The following WDR62 variants were observed in gnomAD, a reference collection of about 807,000 sequenced individuals.
WDR62 encodes WD repeat-containing protein 62.
In WDR62, 112 loss-of-function variants were observed where a neutral mutation model predicts 160.6. The ratio of observed to expected loss-of-function variants is 0.70; its 90% confidence interval spans 0.60 to 0.82. WDR62 has a LOEUF of 0.82. Ranked by LOEUF, WDR62 falls within the 40% of genes least tolerant of loss-of-function variation. The pLI is 0.00. For synonymous variants in WDR62, 792 were observed against 815.1 expected (o/e 0.97, Z 0.48); for missense variants, 1,819 against 1,983.8 (o/e 0.92, Z 1.58).
At chr19:36,108,020 G>A (rs914891160), downstream of WDR62, among the ~76,000 whole-genome samples, 3 of 152,036 alleles carry the variant, frequency 2.0e-5, no homozygotes, top group African/African-American at 4.8e-5. Context: ...CAGAACCCCA[G>A]GACTGGCACC....
At chr19:36,072,990 G>A (rs937227862) in intron 8 of WDR62, among the ~76,000 whole-genome samples, 10 of 152,190 alleles carry the variant, frequency 6.6e-5, no homozygotes, top group Non-Finnish European at 1.3e-4. Context: ...TTGATCATGC[G>A]TTGGTGAGGC....
chr19:36,108,864 A>AC (rs71167594), downstream of WDR62, among the ~76,000 whole-genome samples: 85,359 of 146,684 alleles, frequency 0.58, 25,189 homozygotes, highest in Admixed American at 0.62. Context: ...AAAAAAAAAA[A>AC]AAAAAAAAAA....
intron 16 of WDR62, 121 bp downstream of exon 16, chr19:36,090,641 C>A: frequency 1.1e-6 from 1 of 907,696 alleles, no homozygotes; most frequent in Non-Finnish European, 1.8e-6. Flanking sequence ...AGCACCTTCT[C>A]AGGCCTGGTT....
intron 30 of WDR62, among the ~76,000 whole-genome samples, 186 bp from the exon 31 acceptor site, chr19:36,104,332 A>G (rs988409411): frequency 1.3e-5 from 2 of 151,836 alleles, no homozygotes; most frequent in Non-Finnish European, 2.9e-5. Context: ...AAACCAGAAG[A>G]TAAGAAGAGG....
chr19:36,069,373 C>T (rs939993441), intron 7 of WDR62, among the ~76,000 whole-genome samples: 11 of 151,880 alleles, frequency 7.2e-5, no homozygotes, highest in Admixed American at 2.0e-4. Flanking sequence ...CGGGTAGAGG[C>T]GCTCCTCACA....
chr19:36,099,221 CAAAAA>C (rs71167592), intron 21 of WDR62, among the ~76,000 whole-genome samples, 173 bp from the exon 22 acceptor site: 3 of 76,318 alleles, frequency 3.9e-5, no homozygotes, highest in African/African-American at 1.0e-4. Context: ...GACTTCGTCT[CAAAAA>C]AAAAAAAAAA....
At chr19:36,067,179 C>A in intron 5 of WDR62, 127 bp from the exon 6 acceptor site, 1 of 1,275,864 alleles carries the variant, frequency 7.8e-7, no homozygotes, top group Non-Finnish European at 1.1e-6. Flanking sequence ...TACAGCAGCT[C>A]CCTGGAGGGT....
At chr19:36,110,965 G>A in the WDR62 span, among the ~76,000 whole-genome samples, 2 of 152,024 alleles carry the variant, frequency 1.3e-5, no homozygotes, top group African/African-American at 4.8e-5. Flanking sequence ...CCTAGTGCTT[G>A]TCCACCCCTG....
Position 36,104,874 on chromosome 19 carries a change from G to C in WDR62, c.4418G>C (p.Gly1473Ala). Residue 1473 changes from glycine (G) to alanine (A), a missense_variant, in exon 32 of 32, where the codon GGG becomes GCG. Gly to Ala is a moderately conservative substitution (Grantham distance 60). This residue lies in a region of WDR62 where 770 missense variants were observed against 734.2 expected (regional missense o/e 1.05). Coordinates refer to ENST00000401500, the MANE Select transcript of WDR62 (RefSeq NM_001083961.2). ...CAGCTGGAGGCTGAATGCCTGGTGGGGACTAGTGTGGCCCCAGCCCAGGCT... is the reference window on the plus strand; with the variant it reads ...CAGCTGGAGGCTGAATGCCTGGTGGCGACTAGTGTGGCCCCAGCCCAGGCT... The part of the protein sequence containing the change: ...HSQLEAECLV[G>A]TSVAPAQALP... 1 of 1,612,538 alleles carries C rather than the reference G, an allele frequency of 6.2e-7. No individual in the cohort carries two copies. Among genetic ancestry groups the C allele is most frequent in the Admixed American group, 1.7e-5 (1 of 59,982 alleles).
rs751422007 is a variant in WDR62, at chr19:36,065,922, G to A, written c.333-36G>A. On this transcript the variant is annotated intron_variant, in intron 3 of 31. Coordinates refer to ENST00000401500, the MANE Select transcript of WDR62 (RefSeq NM_001083961.2). ...GATGGGGTCTGGCTGGCCACCCTCAGCGGAACCAGTGATCAGCTCTTTTCT... is the reference window on the plus strand; with the variant it reads ...GATGGGGTCTGGCTGGCCACCCTCAACGGAACCAGTGATCAGCTCTTTTCT... 1.9e-6 allele frequency: 3 copies of A among 1,611,966 alleles called. No individual in the cohort carries two copies. The South Asian group carries it at 3.3e-5, about 18-fold the overall frequency.
chr19:36,109,951 A>T (rs1973779248), downstream of WDR62, among the ~76,000 whole-genome samples: 1 of 150,516 alleles, frequency 6.6e-6, no homozygotes, highest in South Asian at 2.1e-4. Flanking sequence ...GCTACTTGGA[A>T]GGCTGAGGCA....
intron 9 of WDR62, among the ~76,000 whole-genome samples, chr19:36,078,136 A>T (rs1971683629): frequency 6.6e-6 from 1 of 151,510 alleles, no homozygotes; most frequent in African/African-American, 2.4e-5. Context: ...ATGAACATGT[A>T]AGTACAAGTT....
chr19:36,102,479 C>G, intron 26 of WDR62: 1 of 588,180 alleles, frequency 1.7e-6, no homozygotes. Flanking sequence ...CCAGACTGGT[C>G]TCAAACTCCT....
At chr19:36,107,781 G>C (rs772057568), downstream of WDR62, among the ~76,000 whole-genome samples, 34 of 152,056 alleles carry the variant, frequency 2.2e-4, no homozygotes, top group Non-Finnish European at 3.8e-4. Flanking sequence ...TCTTCCAAAT[G>C]CCAGGCTCTG....
intron 13 of WDR62, 98 bp from the exon 14 acceptor site, chr19:36,088,940 C>T: frequency 1.5e-6 from 2 of 1,377,770 alleles, no homozygotes; most frequent in Non-Finnish European, 1.0e-6. Flanking sequence ...TTGATCCCAG[C>T]ACAGTTGATT....
At chr19:36,073,582 CCA>C (rs1281920258) in intron 9 of WDR62, 51 bp downstream of exon 9, 1 of 1,474,116 alleles carries the variant, frequency 6.8e-7, no homozygotes. Flanking sequence ...GCACAGTTCC[CCA>C]CAGTTTGGGA....
At chr19:36,085,225 C>G (rs1230133527) in intron 12 of WDR62, among the ~76,000 whole-genome samples, 1 of 151,950 alleles carries the variant, frequency 6.6e-6, no homozygotes. Flanking sequence ...AAGTGATTCT[C>G]GTGCCTCAGT....
rs376150156 is a variant in WDR62 at position 36,103,168 on chromosome 19, G to A, written c.3475G>A (p.Gly1159Arg). The change falls in exon 29 of 32, where the codon GGG becomes AGG. Residue 1159 changes from glycine to arginine, a missense_variant. Coordinates refer to ENST00000401500, the MANE Select transcript of WDR62 (RefSeq NM_001083961.2). The stretch of plus-strand genomic sequence containing the variant: ...GCTGTGCCTGCAGGTCCTCGCTGCA[G>A]GGAAGGCTGAAGAGACCCTGGAGGC... The part of the protein sequence containing the change: ...SPDRTHVLAA[G>R]KAEETLEAWR... The A allele has an allele frequency of 2.1e-5, 34 of 1,613,964 alleles. No individual in the cohort carries two copies. Among genetic ancestry groups the A allele is most frequent in the Non-Finnish European group, 2.8e-5 (33 of 1,180,038 alleles).
chr19:36,055,047 C>T lies in WDR62; in HGVS notation c.76C>T (p.Pro26Ser), dbSNP rs1224530875. 1.3e-5 allele frequency: 21 copies of T among 1,591,060 alleles called. No homozygotes were observed. The highest frequency in any genetic ancestry group is 1.8e-5 in the Non-Finnish European group (21 of 1,170,514). Residue 26 changes from proline to serine, a missense_variant, in exon 1 of 32, where the codon CCG (proline) becomes TCG (serine). Physicochemically the swap from Pro to Ser is moderately conservative, Grantham distance 74. This residue lies in a region of WDR62 where 115 missense variants were observed against 92.4 expected (regional missense o/e 1.24). Transcript: ENST00000401500. The part of the protein sequence containing the change: ...EKLPSVMAGV[P>S]ARRGQSSPPP... ...GCTGCCCTCTGTCATGGCGGGAGTT[C>T]CGGCGCGGAGGGGCCAGTCCTCCCC...
Sources: allele counts gnomAD v4.1 joint callset (sites outside exome capture counted in the v4.1 genomes callset), GRCh38; gene constraint gnomAD v4.1.1; regional missense constraint gnomAD v4.1.1; transcripts MANE v1.5; gene names NCBI Gene and HGNC (gene_info 2026-07-23, HGNC 2026-07-21).